NEBL: variants seen among roughly 807,000 people sequenced by gnomAD.
NEBL encodes the protein nebulette, also known as LIM and SH3 protein 2.
In NEBL, 122 loss-of-function variants were observed where a neutral mutation model predicts 140.2. That is an observed-to-expected ratio of 0.87 (90% CI 0.75 to 1.01). NEBL has a LOEUF of 1.01. Among genes scored for constraint, NEBL ranks in the 50% least tolerant of loss-of-function variants. The pLI is 0.00. For synonymous variants in NEBL, 436 were observed against 398.9 expected (o/e 1.09, Z -1.11); for missense variants, 1,365 against 1,231.3 (o/e 1.11, Z -1.62).
chr10:20,967,454 C>T (rs536631497), intron 3 of NEBL, among the ~76,000 whole-genome samples: 66 of 152,270 alleles, frequency 4.3e-4, no homozygotes, highest in African/African-American at 1.5e-3. Context: ...ATGGCCAAAC[C>T]CTAGCTGTAC....
At chr10:20,948,394 C>G (rs571608768) in intron 4 of NEBL, among the ~76,000 whole-genome samples, 1 of 152,168 alleles carries the variant, frequency 6.6e-6, no homozygotes, top group African/African-American at 2.4e-5. Context: ...GACACTAGTC[C>G]TTTCCTTTTA....
chr10:20,854,926 T>TA (rs1842905543), intron 9 of NEBL, among the ~76,000 whole-genome samples: 1 of 152,036 alleles, frequency 6.6e-6, no homozygotes, highest in African/African-American at 2.4e-5. Flanking sequence ...AATGTTTTTT[T>TA]AAAAAAGCCT....
intron 11 of NEBL, among the ~76,000 whole-genome samples, chr10:20,848,044 C>T (rs1588780775): frequency 6.6e-6 from 1 of 152,118 alleles, no homozygotes. Flanking sequence ...ACCCACTAAG[C>T]AAAAGCACTA....
chr10:20,864,974 T>C (rs1025311252), intron 7 of NEBL, among the ~76,000 whole-genome samples: 10 of 152,202 alleles, frequency 6.6e-5, no homozygotes, highest in African/African-American at 2.4e-4. Context: ...TGCTTAAGAA[T>C]CTGATCACTC....
intron 2 of NEBL, among the ~76,000 whole-genome samples, chr10:21,080,331 G>A (rs1251722525): frequency 1.3e-5 from 2 of 152,168 alleles, no homozygotes; most frequent in African/African-American, 2.4e-5. Flanking sequence ...TGCATTCCGT[G>A]CATGAGACAT....
intron 4 of NEBL, among the ~76,000 whole-genome samples, chr10:20,938,567 C>A: frequency 6.6e-6 from 1 of 152,202 alleles, no homozygotes; most frequent in Non-Finnish European, 1.5e-5. Context: ...TCCTCACCAA[C>A]AACGGAACAA....
At chr10:21,102,757 TA>T (rs1837532042) in intron 2 of NEBL, among the ~76,000 whole-genome samples, 1 of 152,240 alleles carries the variant, frequency 6.6e-6, no homozygotes, top group African/African-American at 2.4e-5. Flanking sequence ...CTATCAGAAA[TA>T]AAGCTGCTAT....
At chr10:20,808,255 C>A (rs1446638791) in intron 26 of NEBL, among the ~76,000 whole-genome samples, 1 of 151,630 alleles carries the variant, frequency 6.6e-6, no homozygotes, top group Non-Finnish European at 1.5e-5. Context: ...GTCTCAAGAC[C>A]CTTTTGTCAT....
chr10:20,819,076 A>G, intron 20 of NEBL: 1 of 1,024,054 alleles, frequency 9.8e-7, no homozygotes, highest in Non-Finnish European at 1.2e-6. Flanking sequence ...TTCTTTTAAA[A>G]CTTTTAAGTT....
intron 3 of NEBL, among the ~76,000 whole-genome samples, chr10:20,976,642 C>T (rs1185850013): frequency 6.6e-6 from 1 of 152,086 alleles, no homozygotes; most frequent in East Asian, 1.9e-4. Context: ...AGCTAGAGGC[C>T]ATTATCCTAA....
Position 21,140,117 on chromosome 10 carries a change from C to T in NEBL, c.164+32266G>A, listed in dbSNP as rs1009659433. Among the ~76,000 whole-genome samples the T allele has an allele frequency of 9.2e-5, 14 of 152,060 alleles. No individual in the cohort carries two copies. The South Asian group carries it at 2.5e-3, about 27-fold the overall frequency. On this transcript the variant is annotated intron_variant, in intron 2 of 6. Coordinates refer to the NEBL transcript ENST00000417816. ...TGGAGGCTGCAGTGAGCCAAGATTG[C>T]TCCACTACACTTCAGCGTGGTCGAC...
chr10:21,187,692 T>A (rs1157446623), intron 3 of NEBL, among the ~76,000 whole-genome samples: 1 of 151,900 alleles, frequency 6.6e-6, no homozygotes, highest in Non-Finnish European at 1.5e-5. Flanking sequence ...GTTTGTATTT[T>A]TTGTAGAGAG....
Position 21,007,485 on chromosome 10 carries a change from T to C in NEBL, c.249+12632A>G, listed in dbSNP as rs1449957378. Among the ~76,000 whole-genome samples the C allele has an allele frequency of 7.2e-5, 11 of 152,348 alleles. No individual in the cohort carries two copies. In the East Asian group the frequency reaches 1.7e-3, roughly 24 times the overall value. On this transcript the variant is annotated intron_variant, in intron 3 of 6. Transcript: ENST00000417816. Reference sequence around the variant, plus strand: ...GTCCACCTGTCAGAAAAGTGTCTTGTTCTTCATTCTTATAAGACTCTTGCT... The same window carrying C: ...GTCCACCTGTCAGAAAAGTGTCTTGCTCTTCATTCTTATAAGACTCTTGCT...
intron 26 of NEBL, among the ~76,000 whole-genome samples, chr10:20,801,485 C>A (rs1485803338): frequency 6.6e-6 from 1 of 152,114 alleles, no homozygotes; most frequent in Non-Finnish European, 1.5e-5. Context: ...GCATAAGTTA[C>A]CATACCTGGC....
intron 3 of NEBL, among the ~76,000 whole-genome samples, chr10:20,969,315 T>C (rs539101530): frequency 6.6e-6 from 1 of 152,030 alleles, no homozygotes; most frequent in South Asian, 2.1e-4. Context: ...TTTTTAAACA[T>C]AATTAAAAAG....
intron 3 of NEBL, among the ~76,000 whole-genome samples, chr10:21,187,950 C>T (rs777728737): frequency 2.6e-5 from 4 of 152,138 alleles, no homozygotes; most frequent in Admixed American, 6.5e-5. Context: ...AAGTAAAACT[C>T]GCTAAGTGTG....
chr10:21,094,241 G>A (rs899160107), intron 2 of NEBL, among the ~76,000 whole-genome samples: 2 of 152,066 alleles, frequency 1.3e-5, no homozygotes, highest in Admixed American at 6.6e-5. Context: ...GGTGGCTCAC[G>A]CCTGTAATCC....
chr10:20,931,606 C>G (rs1834188154), intron 4 of NEBL, among the ~76,000 whole-genome samples: 1 of 152,138 alleles, frequency 6.6e-6, no homozygotes, highest in Non-Finnish European at 1.5e-5. Flanking sequence ...GGCTCCTTGG[C>G]CTGCCTAGGG....
At chr10:20,881,569 C>T (rs1317965287) in intron 4 of NEBL, among the ~76,000 whole-genome samples, 7 of 152,188 alleles carry the variant, frequency 4.6e-5, no homozygotes, top group Non-Finnish European at 1.0e-4. Context: ...CTAAAGACAG[C>T]AACCAAGTTA....
Sources: allele counts gnomAD v4.1 joint callset (sites outside exome capture counted in the v4.1 genomes callset), GRCh38; gene constraint gnomAD v4.1.1; transcripts MANE v1.5; gene names NCBI Gene and HGNC (gene_info 2026-07-23, HGNC 2026-07-21).